KIF26B: variants seen among roughly 807,000 people sequenced by gnomAD.
The protein encoded by KIF26B is kinesin-like protein KIF26B.
In KIF26B, 63 loss-of-function variants were observed where a neutral mutation model predicts 151.2. The observed-to-expected ratio is 0.42, with a 90% CI of 0.34 to 0.51. KIF26B has a LOEUF of 0.51. KIF26B is among the 20% of genes least tolerant of loss of function. KIF26B has a pLI of 0.07. For missense variants in KIF26B, 2,813 were observed against 2,913.6 expected (o/e 0.97, Z 0.79); for synonymous variants, 1,357 against 1,262.1 (o/e 1.08, Z -1.59).
chr1:245,305,084 ACCC>A (rs1671511355), intron 2 of KIF26B, among the ~76,000 whole-genome samples: 1 of 152,038 alleles, frequency 6.6e-6, no homozygotes, highest in Non-Finnish European at 1.5e-5. Context: ...AAAAATCACC[ACCC>A]CCATGCTAGA....
intron 5 of KIF26B, among the ~76,000 whole-genome samples, chr1:245,570,355 C>T (rs1225062035): frequency 1.3e-5 from 2 of 152,170 alleles, no homozygotes; most frequent in South Asian, 2.1e-4. Context: ...ATCCCACATT[C>T]GGTCCATCAC....
rs1458151230 is a variant in KIF26B at position 245,685,894 on chromosome 1, G to A, written c.2911G>A (p.Ala971Thr). The A allele has an allele frequency of 2.5e-6, 4 of 1,612,912 alleles. No individual in the cohort carries two copies. Among genetic ancestry groups the A allele is most frequent in the Non-Finnish European group, 2.5e-6 (3 of 1,179,754 alleles). ...CCCCCGGTTAAGCCAAGCAGCGGGG[G>A]CAAGCCCACTCTCTGAGTCTGATAA... The part of the protein sequence containing the change: ...RGPRLSQAAG[A>T]SPLSESDKED... Residue 971 changes from alanine to threonine, a missense_variant, in exon 12 of 15, where the codon GCA becomes ACA. Around this residue, in one of 3 missense-constraint regions of KIF26B, gnomAD observed 2,060 missense variants for 2,088.6 expected, o/e 0.99. Transcript: ENST00000407071.
intron 5 of KIF26B, among the ~76,000 whole-genome samples, chr1:245,590,892 T>A (rs922187838): frequency 5.0e-5 from 7 of 138,960 alleles, no homozygotes; most frequent in Non-Finnish European, 7.6e-5. Context: ...TGGGTGACAG[T>A]GAGATCCTGT....
chr1:245,196,238 G>A (rs1293287126), intron 2 of KIF26B, among the ~76,000 whole-genome samples: 2 of 152,170 alleles, frequency 1.3e-5, no homozygotes, highest in African/African-American at 2.4e-5. Context: ...CAGCTACTCT[G>A]TGGATACATC....
At position 245,241,049 on chromosome 1, in the gene KIF26B, A is replaced by C. The variant is rs915541887; in HGVS notation, c.465+84366A>C. On this transcript the variant is annotated intron_variant, in intron 2 of 14. Transcript: ENST00000407071. This position sits in a 1 kb window ranked among gnomAD's most constrained non-coding sequence, Gnocchi z 5.0. Reference sequence around the variant, plus strand: ...GTCTCACAGGGCCTGGGGATTGGGAAACAGAGTATTGCCAAGCCTTATTAA... The same window carrying C: ...GTCTCACAGGGCCTGGGGATTGGGACACAGAGTATTGCCAAGCCTTATTAA... 1.3e-5 allele frequency among the ~76,000 whole-genome samples: 2 copies of C among 152,204 alleles called. No individual in the cohort carries two copies. Among genetic ancestry groups the C allele is most frequent in the Admixed American group, 1.3e-4 (2 of 15,278 alleles).
At chr1:245,308,911 C>A (rs1168732993) in intron 2 of KIF26B, among the ~76,000 whole-genome samples, 1 of 152,212 alleles carries the variant, frequency 6.6e-6, no homozygotes, top group Non-Finnish European at 1.5e-5. Context: ...ACCCTACAGA[C>A]TGCACCATGA....
Position 245,156,480 on chromosome 1 carries a change from G to C in KIF26B, c.262G>C (p.Ala88Pro), listed in dbSNP as rs1471119897. Residue 88 changes from alanine (A) to proline (P), a missense_variant, in exon 2 of 15, where the codon GCC becomes CCC. Physicochemically the swap from Ala to Pro is conservative, Grantham distance 27. Transcript: ENST00000407071. The part of the protein sequence containing the change: ...PSSFTGSPGP[A>P]SPGIGTSSPG... ...CTCGTTCACCGGCTCCCCGGGACCC[G>C]CCTCCCCCGGCATCGGCACTAGTTC... 6.6e-7 allele frequency: 1 copy of C among 1,524,748 alleles called. No individual in the cohort carries two copies. Among genetic ancestry groups the C allele is most frequent in the Non-Finnish European group, 8.8e-7 (1 of 1,139,586 alleles). The allele number at this position is 1,524,748 out of a possible 1,614,324, so 94.5% of individuals were successfully genotyped here.
At chr1:245,305,610 G>A (rs1218447233) in intron 2 of KIF26B, among the ~76,000 whole-genome samples, 1 of 152,214 alleles carries the variant, frequency 6.6e-6, no homozygotes, top group Non-Finnish European at 1.5e-5. Context: ...TGATGAGGAT[G>A]TGGAGAAATT....
At position 245,685,932 on chromosome 1, in the gene KIF26B, G is replaced by T; in HGVS notation, c.2949G>T (p.Gly983=). ...CTGAGTCTGATAAGGAAGATAATGG[G>T]TCCGAAGGTCAGCTGACCAACAGAG... ...PLSESDKEDN[G]SEGQLTNREG... is the part of the protein sequence containing the mutation. The change falls in exon 12 of 15, where the codon GGG becomes GGT. Residue 983 remains glycine (G), a synonymous_variant. Coordinates refer to ENST00000407071, the MANE Select transcript of KIF26B (RefSeq NM_018012.4). The T allele has an allele frequency of 6.2e-7, 1 of 1,611,910 alleles. No homozygotes were observed. The highest frequency in any genetic ancestry group is 8.5e-7 in the Non-Finnish European group (1 of 1,179,214).
Position 245,490,980 on chromosome 1 carries a change from C to A in KIF26B, c.1167-49787C>A, listed in dbSNP as rs71636556. Among the ~76,000 whole-genome samples the A allele has an allele frequency of 6.6e-5, 10 of 152,186 alleles. No homozygotes were observed. In the East Asian group the frequency reaches 1.5e-3, roughly 23 times the overall value. On this transcript the variant is annotated intron_variant, in intron 4 of 14. Coordinates refer to ENST00000407071, the MANE Select transcript of KIF26B (RefSeq NM_018012.4). The stretch of plus-strand genomic sequence containing the variant: ...TGTTTTGAAATATCTGTAATAGTAG[C>A]GAATAAGTCAGAGCCTCACAGTGCT...
intron 8 of KIF26B, among the ~76,000 whole-genome samples, chr1:245,610,830 G>A (rs905772359): frequency 1.3e-5 from 2 of 152,218 alleles, no homozygotes; most frequent in African/African-American, 4.8e-5. Context: ...TCTCTTTGAA[G>A]TCTGAGGATT....
At chr1:245,188,257 G>T (rs1174401001) in intron 2 of KIF26B, among the ~76,000 whole-genome samples, 1 of 109,924 alleles carries the variant, frequency 9.1e-6, no homozygotes, top group Admixed American at 1.4e-4. Context: ...TCCAGTCTGG[G>T]CAAGAAGAGT....
At chr1:245,265,701 A>G (rs1410749444) in intron 2 of KIF26B, among the ~76,000 whole-genome samples, 1 of 151,732 alleles carries the variant, frequency 6.6e-6, no homozygotes, top group African/African-American at 2.4e-5. Context: ...CGTCCTCCCA[A>G]GTGATCCTCC....
intron 2 of KIF26B, among the ~76,000 whole-genome samples, chr1:245,195,214 C>A (rs1669170564): frequency 6.6e-6 from 1 of 152,184 alleles, no homozygotes; most frequent in South Asian, 2.1e-4. Context: ...ATCACCACTG[C>A]TGCATGTCAC....
chr1:245,218,341 G>T lies in KIF26B; in HGVS notation c.465+61658G>T, dbSNP rs971613616. On this transcript the variant is annotated intron_variant, in intron 2 of 14. Transcript: ENST00000407071. The surrounding 1 kb of genome is among the most constrained non-coding windows in gnomAD (Gnocchi z 4.1). ...ATAAACAGGGATAGTAGCAGCAGTT[G>T]TCACTCTGAGGGAGGGAAGGGGAAG... Among the ~76,000 whole-genome samples the T allele has an allele frequency of 6.6e-6, 1 of 151,422 alleles. No homozygotes were observed. The highest frequency in any genetic ancestry group is 1.5e-5 in the Non-Finnish European group (1 of 67,974).
At chr1:245,543,319 A>G (rs1431047674) in intron 5 of KIF26B, among the ~76,000 whole-genome samples, 1 of 152,248 alleles carries the variant, frequency 6.6e-6, no homozygotes, top group African/African-American at 2.4e-5. Context: ...GATGTACCAT[A>G]TGTAGTGACC....
chr1:245,481,287 C>T (rs1345601711), intron 4 of KIF26B, among the ~76,000 whole-genome samples: 1 of 151,890 alleles, frequency 6.6e-6, no homozygotes, highest in East Asian at 1.9e-4. Flanking sequence ...CAGAGAATGC[C>T]CGTAGCCACC....
At chr1:245,291,500 G>A (rs907959813) in intron 2 of KIF26B, among the ~76,000 whole-genome samples, 1 of 152,156 alleles carries the variant, frequency 6.6e-6, no homozygotes, top group African/African-American at 2.4e-5. Context: ...CAAGCATGCA[G>A]GCCTTGTGTG....
At chr1:245,376,160 G>A (rs577992647) in intron 3 of KIF26B, among the ~76,000 whole-genome samples, 1 of 152,256 alleles carries the variant, frequency 6.6e-6, no homozygotes. Flanking sequence ...TTTGCTAGAG[G>A]CCTTTTGATC....
Sources: gnomAD v4.1 joint callset for allele counts (sites outside exome capture counted in the v4.1 genomes callset) on GRCh38, gnomAD v4.1.1 for gene constraint, gnomAD v4.1.1 regional missense constraint, Gnocchi (gnomAD v3.1) non-coding constraint, MANE v1.5 for transcripts, NCBI Gene and HGNC (gene_info 2026-07-23, HGNC 2026-07-21) for gene names.